WASHC2A: variants seen among roughly 807,000 people sequenced by gnomAD.
WASHC2A encodes the protein WASH complex subunit 2A.
WASHC2A carries 82 observed loss-of-function variants against 140.3 expected under a neutral mutation model. The ratio of observed to expected loss-of-function variants is 0.58; its 90% CI spans 0.49 to 0.70. The LOEUF (loss-of-function observed/expected upper bound fraction) is 0.70. Among genes scored for constraint, WASHC2A ranks in the 30% least tolerant of loss-of-function variants. The probability of loss-of-function intolerance (pLI) is 0.00; values close to 1 mark genes in which losing one functional copy is unlikely to be tolerated. For synonymous variants in WASHC2A, 340 were observed against 560.8 expected, an observed-to-expected ratio of 0.61 and a Z score of 5.56; for missense variants, 985 against 1,521.8, an observed-to-expected ratio of 0.65 and a Z score of 5.87.
At chr10:50,104,555 C>A (rs1841559698) in intron 18 of WASHC2A, among the ~76,000 whole-genome samples, 1 of 151,992 alleles carries the variant, frequency 6.6e-6, no homozygotes, top group Non-Finnish European at 1.5e-5. Flanking sequence ...CAGGGTTTCA[C>A]CATGTTGGCC....
rs1268823346 is a variant in WASHC2A, at chr10:50,088,846, A to G, written c.732+1524A>G. ...GTTGTTACTGTATTTTCCTGGTTGT[A>G]TTCATAAATGTGGTTGATCTCTATA... On this transcript the variant is annotated intron_variant, in intron 8 of 30. Transcript: ENST00000282633. Among the ~76,000 whole-genome samples, 16 of 121,850 alleles carry G rather than the reference A, an allele frequency of 1.3e-4. No individual in the cohort carries two copies. In the South Asian group the frequency reaches 2.7e-3, roughly 21 times the overall value. The allele number at this position is 121,850 out of a possible 152,430, so 79.9% of individuals were successfully genotyped here.
intron 3 of WASHC2A, among the ~76,000 whole-genome samples, chr10:50,070,291 C>T (rs1837686061): frequency 6.6e-6 from 1 of 152,020 alleles, no homozygotes; most frequent in Non-Finnish European, 1.5e-5. Context: ...GAGCCTCTCC[C>T]TTGGCAAATA....
chr10:50,081,068 CAG>C, intron 5 of WASHC2A, 137 bp downstream of exon 5: 1 of 648,788 alleles, frequency 1.5e-6, no homozygotes, highest in Non-Finnish European at 2.7e-6. Context: ...TTGACTCCAC[CAG>C]AAAGACTCGC....
At chr10:50,094,976 G>C (rs1475603330) in intron 13 of WASHC2A, among the ~76,000 whole-genome samples, 172 bp from the exon 14 acceptor site, 11 of 152,026 alleles carry the variant, frequency 7.2e-5, no homozygotes, top group African/African-American at 2.7e-4. Flanking sequence ...AAAAAGTCCT[G>C]ACATCGGTAG....
chr10:50,129,570 G>A lies in WASHC2A; in HGVS notation c.3239G>A (p.Arg1080Gln), dbSNP rs1221692294. ...GGCGCCATTTCCCCAAATGGCCATC[G>A]GCCACAGCTCAGAGCAGCCAGTGGA... ...ADGAISPNGHRPQLRAASGED... is the reference protein window; with the variant it reads ...ADGAISPNGHQPQLRAASGED... The change falls in exon 29 of 31, where the codon CGG (arginine) becomes CAG (glutamine). Residue 1080 changes from arginine to glutamine, a missense_variant. Transcript: ENST00000282633. The A allele has an allele frequency of 3.1e-6, 5 of 1,612,018 alleles. No homozygotes were observed. Among genetic ancestry groups the A allele is most frequent in the Admixed American group, 1.7e-5 (1 of 60,010 alleles).
At chr10:50,091,784 C>T (rs1405239711) in intron 10 of WASHC2A, among the ~76,000 whole-genome samples, 99 of 152,292 alleles carry the variant, frequency 6.5e-4, no homozygotes, top group African/African-American at 2.3e-3. Flanking sequence ...TTAATAGAAA[C>T]TCCAGAGAAC....
intron 21 of WASHC2A, among the ~76,000 whole-genome samples, chr10:50,116,652 G>A (rs1431493585): frequency 6.6e-6 from 1 of 151,262 alleles, no homozygotes; most frequent in Non-Finnish European, 1.5e-5. Context: ...AGTCCAGGAT[G>A]TTCCACAAAA....
chr10:50,104,119 C>A lies in WASHC2A; in HGVS notation c.1713C>A (p.Ser571=), dbSNP rs368861854. 1 of 1,461,234 alleles carries A rather than the reference C, an allele frequency of 6.8e-7. No individual in the cohort carries two copies. Among genetic ancestry groups the A allele is most frequent in the South Asian group, 1.2e-5 (1 of 85,758 alleles). The allele number at this position is 1,461,234 out of a possible 1,614,324, so 90.5% of individuals were successfully genotyped here. Residue 571 remains serine (S), a synonymous_variant, in exon 18 of 31, where the codon TCC becomes TCA. Coordinates refer to ENST00000282633, the MANE Select transcript of WASHC2A (RefSeq NM_001005751.3). ...LLPGKLPTLV[S]LFDDEDEEDN... ...CTGGCAAGCTCCCCACGTTGGTTTC[C>A]CTGTTTGATGATGAAGATGAAGAGG...
At chr10:50,101,756 C>T (rs1188284249) in intron 17 of WASHC2A, among the ~76,000 whole-genome samples, 12 of 151,744 alleles carry the variant, frequency 7.9e-5, no homozygotes, top group African/African-American at 2.7e-4. Flanking sequence ...GAGAGGTTGA[C>T]TGGGCTTAGC....
In WASHC2A at chr10:50,115,577, G is replaced by A. The variant is rs1202706889; in HGVS notation, c.2142+1580G>A. 2.5e-4 allele frequency among the ~76,000 whole-genome samples: 34 copies of A among 137,022 alleles called. 1 individual carries two copies. In the Admixed American group the frequency reaches 2.6e-3, roughly 11 times the overall value. 89.9% of individuals were successfully genotyped at this position (137,022 alleles called of 152,430 possible). On this transcript the variant is annotated intron_variant, in intron 21 of 30. Transcript: ENST00000282633. ...CCTCATTAGCCTTTTACCCTAATGAGTACATAGGGGTCGCAGTTGCAGGGT... is the reference window on the plus strand; with the variant it reads ...CCTCATTAGCCTTTTACCCTAATGAATACATAGGGGTCGCAGTTGCAGGGT...
At chr10:50,082,828 C>T (rs1265626258) in intron 5 of WASHC2A, among the ~76,000 whole-genome samples, 9 of 136,928 alleles carry the variant, frequency 6.6e-5, no homozygotes, top group South Asian at 5.0e-4. Flanking sequence ...CAGGAGTAGA[C>T]GGCTGACATG....
Position 50,097,807 on chromosome 10 carries a change from G to C in WASHC2A, c.1548+5G>C. ...AAAGCAAGAGCAGAAAAAAAGGTGAGCAGGAGGGAAGACTTAACGCAGGAG... is the reference window on the plus strand; with the variant it reads ...AAAGCAAGAGCAGAAAAAAAGGTGACCAGGAGGGAAGACTTAACGCAGGAG... On this transcript the variant is annotated splice_donor_5th_base_variant and intron_variant, in intron 16 of 30. Coordinates refer to ENST00000282633, the MANE Select transcript of WASHC2A (RefSeq NM_001005751.3). The C allele has an allele frequency of 1.2e-6, 2 of 1,610,500 alleles. No individual in the cohort carries two copies. Among genetic ancestry groups the C allele is most frequent in the Non-Finnish European group, 1.7e-6 (2 of 1,179,468 alleles).
intron 16 of WASHC2A, 110 bp from the exon 17 acceptor site, chr10:50,099,868 G>C: frequency 1.1e-6 from 1 of 945,494 alleles, no homozygotes; most frequent in Non-Finnish European, 1.5e-6. Flanking sequence ...GACTCCGTGC[G>C]TTTTCTCGAT....
chr10:50,106,464 A>T lies in WASHC2A; in HGVS notation c.1868A>T (p.Glu623Val), dbSNP rs1210025930. The T allele has an allele frequency of 6.2e-7, 1 of 1,601,694 alleles. No individual in the cohort carries two copies. Among genetic ancestry groups the T allele is most frequent in the Non-Finnish European group, 8.5e-7 (1 of 1,175,098 alleles). Residue 623 changes from glutamate (E) to valine (V), a missense_variant and splice_region_variant, in exon 19 of 31, where the codon GAG becomes GTG. Transcript: ENST00000282633. ...GCCCTGTTGTTCAGCAGTGATGAGG[A>T]GGTGAGCTGAGGTTTCTGCTAAAGA... is the stretch of plus-strand genomic sequence containing the variant. ...ASALLFSSDE[E>V]DQWNIPASQT...
At chr10:50,075,716 A>C (rs1838252205) in intron 3 of WASHC2A, among the ~76,000 whole-genome samples, 1 of 151,508 alleles carries the variant, frequency 6.6e-6, no homozygotes, top group African/African-American at 2.4e-5. Flanking sequence ...TCAGGCCTCC[A>C]TGGAATTGTG....
At chr10:50,079,506 C>G (rs1838698694) in intron 4 of WASHC2A, among the ~76,000 whole-genome samples, 1 of 152,210 alleles carries the variant, frequency 6.6e-6, no homozygotes, top group Non-Finnish European at 1.5e-5. Flanking sequence ...AAGTGATTCT[C>G]CTGGCTCAGC....
chr10:50,105,237 A>G (rs1238620368), intron 18 of WASHC2A, among the ~76,000 whole-genome samples: 4 of 151,698 alleles, frequency 2.6e-5, no homozygotes, highest in African/African-American at 9.7e-5. Flanking sequence ...GGGAAGAGAA[A>G]TAAGAGAGAA....
intron 27 of WASHC2A, 69 bp downstream of exon 27, chr10:50,127,291 T>G: frequency 6.2e-7 from 1 of 1,611,372 alleles, no homozygotes; most frequent in South Asian, 1.1e-5. Context: ...GTTTCCTACT[T>G]TTGTCAGCTG....
At position 50,125,443 on chromosome 10, in the gene WASHC2A, G is replaced by C; in HGVS notation, c.2682G>C (p.Gln894His). Residue 894 changes from glutamine to histidine, a missense_variant, in exon 25 of 31, where the codon CAG (glutamine) becomes CAC (histidine). By Grantham distance (24) the Gln-to-His change is conservative. Transcript: ENST00000282633. ...DDDLFSSAKSQPLVQEKKRVV... is the reference protein window; with the variant it reads ...DDDLFSSAKSHPLVQEKKRVV... The stretch of plus-strand genomic sequence containing the variant: ...ATCTTTTCAGCTCTGCCAAGTCCCA[G>C]CCTTTGGTACCAGCCTTTTGTTCTC... The C allele has an allele frequency of 6.2e-7, 1 of 1,608,340 alleles. No individual in the cohort carries two copies. Among genetic ancestry groups the C allele is most frequent in the South Asian group, 1.1e-5 (1 of 90,746 alleles).
Sources: gnomAD v4.1 joint callset for allele counts (sites outside exome capture counted in the v4.1 genomes callset) on GRCh38, gnomAD v4.1.1 for gene constraint, MANE v1.5 for transcripts, NCBI Gene and HGNC (gene_info 2026-07-23, HGNC 2026-07-21) for gene names.